The following AK4 variants were observed in gnomAD, a reference collection of about 807,000 sequenced individuals.
AK4 encodes adenylate kinase 4.
AK4 carries 13 observed loss-of-function variants against 24.6 expected under a neutral mutation model. The ratio of observed to expected loss-of-function variants is 0.53; its 90% CI spans 0.34 to 0.84. The LOEUF (loss-of-function observed/expected upper bound fraction) is 0.84, where lower values mean the gene tolerates loss of function less well. Ranked by LOEUF, AK4 falls within the 40% of genes least tolerant of loss-of-function variation. The probability of loss-of-function intolerance (pLI) is 0.01; values close to 1 mark genes in which losing one functional copy is unlikely to be tolerated. For missense variants in AK4, 192 were observed against 288.2 expected, an observed-to-expected ratio of 0.67 and a Z score of 2.42; for synonymous variants, 88 against 107.0, an observed-to-expected ratio of 0.82 and a Z score of 1.10.
At chr1:65,208,121 A>G (rs1022656011) in intron 2 of AK4, among the ~76,000 whole-genome samples, 11 of 152,258 alleles carry the variant, frequency 7.2e-5, no homozygotes, top group African/African-American at 2.4e-4. Context: ...TGCTTTCCAC[A>G]GTGGCTGCAC....
chr1:65,224,913 A>AC, intron 4 of AK4, 43 bp downstream of exon 4: 2 of 1,508,314 alleles, frequency 1.3e-6, no homozygotes, highest in Non-Finnish European at 1.8e-6. Flanking sequence ...ACAGACTGGA[A>AC]AGGTGTGGAG....
chr1:65,176,629 AC>A (rs1162969335), intron 1 of AK4, among the ~76,000 whole-genome samples: 4 of 152,122 alleles, frequency 2.6e-5, no homozygotes, highest in Admixed American at 6.5e-5. Context: ...CTAGTCCTCT[AC>A]CCTTCACACA....
intron 1 of AK4, among the ~76,000 whole-genome samples, chr1:65,155,712 G>C (rs1187256040): frequency 6.6e-6 from 1 of 151,490 alleles, no homozygotes; most frequent in African/African-American, 2.4e-5. Context: ...GCCTAGGCTA[G>C]AGTGCAGTGG....
rs1651095100 is a variant in AK4 at position 65,186,191 on chromosome 1, A to G, written c.146-4519A>G. 1.3e-5 allele frequency among the ~76,000 whole-genome samples: 2 copies of G among 152,026 alleles called. 1 individual carries two copies. Among genetic ancestry groups the G allele is most frequent in the Non-Finnish European group, 2.9e-5 (2 of 68,014 alleles). The stretch of plus-strand genomic sequence containing the variant: ...CGCTCTGTCGCCCAGGCTGTAGTGC[A>G]GTGGTGCAATCTCGGCTCACTGCAA... On this transcript the variant is annotated intron_variant, in intron 1 of 4. Transcript: ENST00000327299.
chr1:65,189,675 A>C (rs61781840), intron 1 of AK4, among the ~76,000 whole-genome samples: 90 of 150,980 alleles, frequency 6.0e-4, no homozygotes, highest in South Asian at 2.3e-3. Context: ...ACACACACAC[A>C]CACCCCACAC....
At chr1:65,156,704 A>G (rs1427222920) in intron 1 of AK4, among the ~76,000 whole-genome samples, 2 of 151,942 alleles carry the variant, frequency 1.3e-5, no homozygotes, top group South Asian at 4.2e-4. Flanking sequence ...CGGGCAGATC[A>G]TGAGGTCAGG....
At position 65,218,851 on chromosome 1, in the gene AK4, T is replaced by A; in HGVS notation, c.363T>A (p.Asp121Glu). Residue 121 changes from aspartate to glutamate, a missense_variant, in exon 3 of 5, where the codon GAT (aspartate) becomes GAA (glutamate). Transcript: ENST00000327299. ...SLNIPFETLK[D>E]RLSRRWIHPP... ...ATATTCCATTTGAAACACTTAAAGATCGTCTCAGCCGCCGTTGGATTCACC... is the reference window on the plus strand; with the variant it reads ...ATATTCCATTTGAAACACTTAAAGAACGTCTCAGCCGCCGTTGGATTCACC... 1 of 1,607,860 alleles carries A rather than the reference T, an allele frequency of 6.2e-7. No individual in the cohort carries two copies. Among genetic ancestry groups the A allele is most frequent in the Non-Finnish European group, 8.5e-7 (1 of 1,177,306 alleles).
rs1257231334 is a variant in AK4 at position 65,231,791 on chromosome 1, C to T, written c.*5614C>T. On this transcript the variant is annotated 3_prime_UTR_variant, in exon 5 of 5. Transcript: ENST00000327299. ...ATTCCTGTTTTTGAGATGAACAGAT[C>T]TCTGGGGAAATTGTTGAGTTACAAT... 1 of 152,166 alleles carries T rather than the reference C, an allele frequency of 6.6e-6. No individual in the cohort carries two copies. Among genetic ancestry groups the T allele is most frequent in the Non-Finnish European group, 1.5e-5 (1 of 68,032 alleles). The allele number at this position is 152,166 out of a possible 1,614,324, so 9.4% of individuals were successfully genotyped here.
At chr1:65,193,763 T>C (rs995193423) in intron 2 of AK4, among the ~76,000 whole-genome samples, 10 of 152,212 alleles carry the variant, frequency 6.6e-5, no homozygotes, top group African/African-American at 1.4e-4. Context: ...ACTGTATGCA[T>C]TTGGTTGCGA....
intron 2 of AK4, among the ~76,000 whole-genome samples, chr1:65,197,130 A>G (rs1651496611): frequency 6.6e-6 from 1 of 152,194 alleles, no homozygotes; most frequent in Admixed American, 6.5e-5. Flanking sequence ...CAGTTCAAAG[A>G]TGAGACTTGG....
intron 1 of AK4, among the ~76,000 whole-genome samples, chr1:65,169,849 A>G (rs1650450309): frequency 6.6e-6 from 1 of 151,880 alleles, no homozygotes; most frequent in Non-Finnish European, 1.5e-5. Context: ...TATTGCATTA[A>G]AGTATTATTT....
At position 65,230,127 on chromosome 1, in the gene AK4, T is replaced by A. The variant is rs1310138432; in HGVS notation, c.*3950T>A. The stretch of plus-strand genomic sequence containing the variant: ...CAGGGGAGATTCACTTCCTGTCTTG[T>A]CCTTCCCCAGGGATCACCCCCCTGC... On this transcript the variant is annotated 3_prime_UTR_variant, in exon 5 of 5. Coordinates refer to ENST00000327299, the MANE Select transcript of AK4 (RefSeq NM_013410.4). The A allele has an allele frequency of 1.3e-5, 2 of 152,338 alleles. No homozygotes were observed. Among genetic ancestry groups the A allele is most frequent in the East Asian group, 3.9e-4 (2 of 5,178 alleles). The allele number at this position is 152,338 out of a possible 1,614,324, so 9.4% of individuals were successfully genotyped here.
chr1:65,208,735 G>A (rs1175576576), intron 2 of AK4, among the ~76,000 whole-genome samples: 2 of 152,296 alleles, frequency 1.3e-5, no homozygotes, highest in East Asian at 1.9e-4. Flanking sequence ...GCCTGGGAAC[G>A]TGGTGGTGGA....
At chr1:65,201,477 CAT>C (rs981477151) in intron 2 of AK4, among the ~76,000 whole-genome samples, 2 of 152,182 alleles carry the variant, frequency 1.3e-5, no homozygotes, top group African/African-American at 4.8e-5. Context: ...ATATGGAAAA[CAT>C]ATGTATACAC....
chr1:65,212,481 C>A (rs2101074410), intron 2 of AK4, among the ~76,000 whole-genome samples: 1 of 152,032 alleles, frequency 6.6e-6, no homozygotes, highest in Non-Finnish European at 1.5e-5. Context: ...ACCCACCCAA[C>A]TTTTTATTTT....
chr1:65,161,611 C>T (rs556492297), intron 1 of AK4, among the ~76,000 whole-genome samples: 1 of 152,294 alleles, frequency 6.6e-6, no homozygotes, highest in African/African-American at 2.4e-5. Flanking sequence ...CTCTCATACC[C>T]ATTGGTACCT....
In AK4 at chr1:65,179,164, C is replaced by G. The variant is rs547965192; in HGVS notation, c.146-11546C>G. Among the ~76,000 whole-genome samples the G allele has an allele frequency of 7.2e-5, 11 of 152,294 alleles. No individual in the cohort carries two copies. In the East Asian group the frequency reaches 1.9e-3, roughly 27 times the overall value. On this transcript the variant is annotated intron_variant, in intron 1 of 4. Transcript: ENST00000327299. ...AACTGAGTTTTTAGTTAGTTAGATA[C>G]AGTACCTAAAGGAAGCACTGGTTAT...
intron 2 of AK4, among the ~76,000 whole-genome samples, chr1:65,216,225 C>T (rs1339197488): frequency 6.6e-6 from 1 of 151,686 alleles, no homozygotes; most frequent in Non-Finnish European, 1.5e-5. Context: ...CTCTGCCTCC[C>T]AGGTTCAAGC....
At chr1:65,172,345 CCTT>C (rs1423509106) in intron 1 of AK4, among the ~76,000 whole-genome samples, 1 of 151,688 alleles carries the variant, frequency 6.6e-6, no homozygotes, top group African/African-American at 2.4e-5. Flanking sequence ...GAATATGTCA[CCTT>C]CTTTGTACCA....
Sources: allele counts gnomAD v4.1 joint callset (sites outside exome capture counted in the v4.1 genomes callset), GRCh38; gene constraint gnomAD v4.1.1; transcripts MANE v1.5; gene names NCBI Gene and HGNC (gene_info 2026-07-23, HGNC 2026-07-21).